The following SCHIP1 variants were observed in gnomAD, a reference collection of about 807,000 sequenced individuals.
The protein encoded by SCHIP1 is schwannomin interacting protein 1, also known as schwannomin-interacting protein 1.
Under a neutral mutation model 29.7 loss-of-function variants are expected in SCHIP1, and 8 were observed. That is an observed-to-expected ratio of 0.27 (90% CI 0.16 to 0.49). The LOEUF (loss-of-function observed/expected upper bound fraction) is 0.49. Ranked by LOEUF, SCHIP1 falls within the 20% of genes least tolerant of loss-of-function variation. The pLI is 0.99. For synonymous variants in SCHIP1, 76 were observed against 94.9 expected, an observed-to-expected ratio of 0.80 and a Z score of 1.16; for missense variants, 193 against 294.6, an observed-to-expected ratio of 0.66 and a Z score of 2.52.
the SCHIP1 span, among the ~76,000 whole-genome samples, chr3:159,693,678 A>G: frequency 2.0e-5 from 3 of 152,354 alleles, no homozygotes; most frequent in African/African-American, 7.2e-5. Flanking sequence ...TCAGTTCTAT[A>G]AAATCAGCAT....
chr3:159,373,243 C>T, the SCHIP1 span, among the ~76,000 whole-genome samples: 16 of 151,104 alleles, frequency 1.1e-4, no homozygotes, highest in South Asian at 6.3e-4. Context: ...ATATATATTA[C>T]AGTTATATAC....
At chr3:159,348,833 C>A in the SCHIP1 span, among the ~76,000 whole-genome samples, 1 of 152,168 alleles carries the variant, frequency 6.6e-6, no homozygotes, top group Non-Finnish European at 1.5e-5. Flanking sequence ...ATAGTGCTTT[C>A]CACCTATTTT....
the SCHIP1 span, among the ~76,000 whole-genome samples, chr3:159,775,506 C>G: frequency 6.6e-6 from 1 of 152,196 alleles, no homozygotes; most frequent in Non-Finnish European, 1.5e-5. Context: ...TGAGATCTCC[C>G]CACTGTGGTC....
chr3:159,777,111 GGC>G, the SCHIP1 span, among the ~76,000 whole-genome samples: 1 of 152,188 alleles, frequency 6.6e-6, no homozygotes, highest in Admixed American at 6.5e-5. Flanking sequence ...ATTACATATT[GGC>G]AAACAACTTT....
At chr3:159,834,914 A>C (rs1028096220), upstream of SCHIP1, among the ~76,000 whole-genome samples, 2 of 152,180 alleles carry the variant, frequency 1.3e-5, no homozygotes, top group African/African-American at 4.8e-5. Flanking sequence ...AAAATCCAGG[A>C]CAATTCTGGT....
the SCHIP1 span, among the ~76,000 whole-genome samples, chr3:159,387,722 G>A: frequency 6.6e-6 from 1 of 152,096 alleles, no homozygotes; most frequent in Non-Finnish European, 1.5e-5. Context: ...ATAAATAATT[G>A]AGCATGTGTT....
chr3:159,573,437 C>T, the SCHIP1 span, among the ~76,000 whole-genome samples: 1 of 152,100 alleles, frequency 6.6e-6, no homozygotes, highest in Non-Finnish European at 1.5e-5. Context: ...AATATTGGCC[C>T]CCACTCTCTT....
the SCHIP1 span, among the ~76,000 whole-genome samples, chr3:159,403,130 C>A: frequency 6.6e-6 from 1 of 152,032 alleles, no homozygotes; most frequent in Non-Finnish European, 1.5e-5. Context: ...TTATCCATTC[C>A]TTTAATGGGC....
At chr3:159,742,887 A>G in the SCHIP1 span, among the ~76,000 whole-genome samples, 78 of 124,556 alleles carry the variant, frequency 6.3e-4, no homozygotes, top group African/African-American at 2.4e-3. Context: ...GGGTTTTGCC[A>G]TGTTGGCCAG....
chr3:159,427,823 C>G, the SCHIP1 span, among the ~76,000 whole-genome samples: 2 of 152,102 alleles, frequency 1.3e-5, no homozygotes, highest in South Asian at 4.1e-4. Context: ...ACCAAAACAG[C>G]ATGGTACTGG....
the SCHIP1 span, among the ~76,000 whole-genome samples, chr3:159,418,463 A>G: frequency 6.6e-6 from 1 of 152,346 alleles, no homozygotes; most frequent in Admixed American, 6.5e-5. Flanking sequence ...GTCACCATCT[A>G]ATTTTAAGGA....
At chr3:159,624,655 A>G in the SCHIP1 span, among the ~76,000 whole-genome samples, 1 of 152,174 alleles carries the variant, frequency 6.6e-6, no homozygotes, top group Non-Finnish European at 1.5e-5. Context: ...GAAGGCAGAT[A>G]GGCATCTACT....
At chr3:159,443,573 A>G in the SCHIP1 span, among the ~76,000 whole-genome samples, 1 of 152,020 alleles carries the variant, frequency 6.6e-6, no homozygotes, top group African/African-American at 2.4e-5. Context: ...CAGTGGTGCC[A>G]TCTCGGCTTA....
the SCHIP1 span, among the ~76,000 whole-genome samples, chr3:159,404,244 G>C: frequency 1.3e-5 from 2 of 152,098 alleles, no homozygotes; most frequent in Non-Finnish European, 2.9e-5. Flanking sequence ...TTCTGCTTGA[G>C]AATAGCAGAG....
the SCHIP1 span, among the ~76,000 whole-genome samples, chr3:159,531,881 G>C: frequency 6.6e-6 from 1 of 152,168 alleles, no homozygotes; most frequent in Non-Finnish European, 1.5e-5. Context: ...TGATGTAAAT[G>C]TTAGAAATTA....
the SCHIP1 span, among the ~76,000 whole-genome samples, chr3:159,410,399 A>G: frequency 6.6e-5 from 10 of 152,264 alleles, no homozygotes; most frequent in African/African-American, 2.4e-4. Context: ...ATTAATAACC[A>G]TAATATATAA....
At chr3:159,476,659 C>G in the SCHIP1 span, among the ~76,000 whole-genome samples, 1 of 152,012 alleles carries the variant, frequency 6.6e-6, no homozygotes. Flanking sequence ...TGATGTACAG[C>G]AATTTCTAAA....
At chr3:159,494,379 A>G in the SCHIP1 span, among the ~76,000 whole-genome samples, 1 of 152,164 alleles carries the variant, frequency 6.6e-6, no homozygotes. Context: ...AGAAGAAAAG[A>G]GAGAAGAATC....
At chr3:159,516,079 C>T in the SCHIP1 span, among the ~76,000 whole-genome samples, 1 of 152,176 alleles carries the variant, frequency 6.6e-6, no homozygotes, top group African/African-American at 2.4e-5. Flanking sequence ...GACTCCTCTT[C>T]TCCTTCTTCC....
Sources: allele counts gnomAD v4.1 joint callset (sites outside exome capture counted in the v4.1 genomes callset), GRCh38; gene constraint gnomAD v4.1.1; transcripts MANE v1.5; gene names NCBI Gene and HGNC (gene_info 2026-07-23, HGNC 2026-07-21).